CSNK1A1: variants seen among roughly 807,000 people sequenced by gnomAD.
The protein encoded by CSNK1A1 is casein kinase I isoform alpha.
Under a neutral mutation model 46.1 loss-of-function variants are expected in CSNK1A1, and 7 were observed. The ratio of observed to expected loss-of-function variants is 0.15; its 90% CI spans 0.09 to 0.29. The LOEUF (loss-of-function observed/expected upper bound fraction) is 0.29. Ranked by LOEUF, CSNK1A1 falls within the 10% of genes least tolerant of loss-of-function variation. The pLI, the probability that CSNK1A1 is intolerant of heterozygous loss-of-function variation, is 1.00. For missense variants in CSNK1A1, 96 were observed against 417.1 expected, an observed-to-expected ratio of 0.23 and a Z score of 6.71; for synonymous variants, 137 against 141.5, an observed-to-expected ratio of 0.97 and a Z score of 0.23.
At chr5:149,534,906 CAAA>C (rs537826461) in intron 2 of CSNK1A1, among the ~76,000 whole-genome samples, 2 of 72,518 alleles carry the variant, frequency 2.8e-5, no homozygotes, top group Non-Finnish European at 5.8e-5. Context: ...CCTTGTCTCC[CAAA>C]AAAAAAAAAA....
chr5:149,544,897 G>A (rs947028653), intron 2 of CSNK1A1, among the ~76,000 whole-genome samples: 3 of 150,898 alleles, frequency 2.0e-5, no homozygotes, highest in East Asian at 2.0e-4. Flanking sequence ...GCACTTTGGC[G>A]GGCCGAGGTG....
Position 149,550,998 on chromosome 5 carries a change from C to G in CSNK1A1, c.-34G>C. 1.2e-6 allele frequency: 2 copies of G among 1,612,956 alleles called. No individual in the cohort carries two copies. Among genetic ancestry groups the G allele is most frequent in the South Asian group, 2.2e-5 (2 of 91,074 alleles). ...ACGAAGATGGAGGCTGGGGCCAAGCCCCGACACCTCTGGGAAGAGGACGGA... is the reference window on the plus strand; with the variant it reads ...ACGAAGATGGAGGCTGGGGCCAAGCGCCGACACCTCTGGGAAGAGGACGGA... On this transcript the variant is annotated 5_prime_UTR_variant, in exon 1 of 10. Coordinates refer to ENST00000377843, the MANE Select transcript of CSNK1A1 (RefSeq NM_001892.6). The surrounding 1 kb of genome is among the most constrained non-coding windows in gnomAD (Gnocchi z 4.3).
In CSNK1A1 at chr5:149,547,864, T is replaced by G. The variant is rs10463286; in HGVS notation, c.230+2211A>C. On this transcript the variant is annotated intron_variant, in intron 2 of 9. Coordinates refer to ENST00000377843, the MANE Select transcript of CSNK1A1 (RefSeq NM_001892.6). ...TCAGCATTGGAACTTTGTTTTTTTT[T>G]TTGTTGTGTTTTTTTGTGTTTTTTT... 0.024 allele frequency among the ~76,000 whole-genome samples: 3,681 copies of G among 152,138 alleles called. 292 individuals carry two copies. In the East Asian group the frequency reaches 0.32, roughly 13 times the overall value.
chr5:149,511,902 G>T, intron 5 of CSNK1A1, 30 bp from the exon 6 acceptor site: 1 of 1,505,792 alleles, frequency 6.6e-7, no homozygotes, highest in South Asian at 1.2e-5. Flanking sequence ...TTTATAAACT[G>T]GAACTATTAT....
chr5:149,551,055 CGGA>C lies in CSNK1A1; in HGVS notation c.-94_-92del. On this transcript the variant is annotated 5_prime_UTR_variant, in exon 1 of 10. Transcript: ENST00000377843. ...GGGGCTCCTACACTAGGCAAGGCTA[CGGA>C]GGAGGGCGGCAGGAAACGGAACACG... 9 of 1,431,166 alleles carry C rather than the reference CGGA, an allele frequency of 6.3e-6. No individual in the cohort carries two copies. The South Asian group carries it at 1.1e-4, about 17-fold the overall frequency. The allele number at this position is 1,431,166 out of a possible 1,614,324, so 88.7% of individuals were successfully genotyped here. A position where few individuals can be genotyped will look rare whatever the true frequency, so the allele number is the denominator to read the frequency against.
At position 149,542,631 on chromosome 5, in the gene CSNK1A1, TA is replaced by T. The variant is rs1561772421; in HGVS notation, c.230+7443del. On this transcript the variant is annotated intron_variant, in intron 2 of 9. Coordinates refer to ENST00000377843, the MANE Select transcript of CSNK1A1 (RefSeq NM_001892.6). ...ATATATATATATATATATATATATA[TA>T]TATATATGTATATATATATATATAT... is the stretch of plus-strand genomic sequence containing the variant. Among the ~76,000 whole-genome samples, 43 of 12,516 alleles carry T rather than the reference TA, an allele frequency of 3.4e-3. 5 individuals are homozygous for T. Among genetic ancestry groups the T allele is most frequent in the East Asian group, 0.011 (2 of 184 alleles). 8.2% of individuals were successfully genotyped at this position (12,516 alleles called of 152,430 possible).
intron 9 of CSNK1A1, among the ~76,000 whole-genome samples, chr5:149,499,951 TTTTTTTTC>T (rs1381726354): frequency 4.3e-4 from 37 of 85,112 alleles, no homozygotes; most frequent in African/African-American, 8.6e-4. Context: ...GGTTGTGGGG[TTTTTTTTC>T]TTTTTTTCTT....
chr5:149,497,607 A>G (rs2113034730), intron 9 of CSNK1A1: 1 of 985,446 alleles, frequency 1.0e-6, no homozygotes, highest in South Asian at 4.7e-5. Flanking sequence ...ATCTACAGCT[A>G]AAGGCAAAGG....
chr5:149,519,806 T>A (rs1761513003), intron 4 of CSNK1A1, among the ~76,000 whole-genome samples: 1 of 152,190 alleles, frequency 6.6e-6, no homozygotes, highest in Non-Finnish European at 1.5e-5. Flanking sequence ...GACTGAAGAA[T>A]TCTCATTATC....
chr5:149,513,141 G>C lies in CSNK1A1; in HGVS notation c.525C>G (p.Tyr175Ter). The C allele has an allele frequency of 6.2e-7, 1 of 1,614,058 alleles. No individual in the cohort carries two copies. Among genetic ancestry groups the C allele is most frequent in the Non-Finnish European group, 8.5e-7 (1 of 1,179,976 alleles). ...TGCCAGTGAGGTTTTTATCTTCTCTGTATGGTATGTGTTGCCTTGTCCTGT... is the reference window on the plus strand; with the variant it reads ...TGCCAGTGAGGTTTTTATCTTCTCTCTATGGTATGTGTTGCCTTGTCCTGT... ...RDNRTRQHIP[Y>*]REDKNLTGTA... Residue 175 changes from tyrosine to a stop codon, truncating the protein, a stop_gained, in exon 5 of 10, where the codon TAC becomes TAG. Coordinates refer to ENST00000377843, the MANE Select transcript of CSNK1A1 (RefSeq NM_001892.6). LOFTEE classifies it high-confidence loss of function.
chr5:149,512,273 A>G (rs532213418), intron 5 of CSNK1A1, among the ~76,000 whole-genome samples: 63 of 152,070 alleles, frequency 4.1e-4, no homozygotes, highest in Non-Finnish European at 7.2e-4. Context: ...GAATGTATTC[A>G]TGCATACATA....
intron 9 of CSNK1A1, chr5:149,501,083 G>A (rs986273846): frequency 3.6e-5 from 35 of 985,218 alleles, no homozygotes; most frequent in South Asian, 9.4e-5. Flanking sequence ...TCATAGCAAC[G>A]CTGTATTCTT....
intron 9 of CSNK1A1, chr5:149,503,180 C>T (rs1760926667): frequency 1.0e-6 from 1 of 985,308 alleles, no homozygotes; most frequent in Admixed American, 6.1e-5. Context: ...TGTTTTCAAA[C>T]TCCAGAATTC....
At chr5:149,545,784 T>A (rs1580866676) in intron 2 of CSNK1A1, 2 of 584,132 alleles carry the variant, frequency 3.4e-6, no homozygotes, top group East Asian at 7.3e-5. Context: ...GTGGTGTGGT[T>A]CGTGGACTTG....
chr5:149,509,488 C>T (rs1015934784), intron 7 of CSNK1A1, among the ~76,000 whole-genome samples: 1 of 149,980 alleles, frequency 6.7e-6, no homozygotes, highest in Non-Finnish European at 1.5e-5. Context: ...GCAATTGGAG[C>T]CTCCCGGGCT....
chr5:149,547,579 A>G (rs1392171084), intron 2 of CSNK1A1, among the ~76,000 whole-genome samples: 1 of 152,222 alleles, frequency 6.6e-6, no homozygotes, highest in African/African-American at 2.4e-5. Flanking sequence ...AAATGACCTC[A>G]TATCGTATGA....
At position 149,518,232 on chromosome 5, in the gene CSNK1A1, C is replaced by CG. The variant is rs369074287; in HGVS notation, c.456+2057dup. ...CCTTCCCCCCCAAAAAAATATTGTA[C>CG]GGGGGAAAAAAATCTTCAGTAAGGA... On this transcript the variant is annotated intron_variant, in intron 4 of 9. Transcript: ENST00000377843. 5.3e-5 allele frequency among the ~76,000 whole-genome samples: 8 copies of CG among 151,784 alleles called. No individual in the cohort carries two copies. In the East Asian group the frequency reaches 5.8e-4, roughly 11 times the overall value.
chr5:149,537,470 A>G (rs749194825), intron 2 of CSNK1A1, among the ~76,000 whole-genome samples: 3 of 152,144 alleles, frequency 2.0e-5, no homozygotes, highest in Non-Finnish European at 4.4e-5. Context: ...GCACTCAGCA[A>G]AATTCACTAA....
intron 4 of CSNK1A1, among the ~76,000 whole-genome samples, chr5:149,516,351 AAAAC>A (rs1761403472): frequency 6.6e-6 from 1 of 152,150 alleles, no homozygotes; most frequent in African/African-American, 2.4e-5. Context: ...CCCCCCAAAA[AAAAC>A]AAAAAATAAA....
Sources: allele counts gnomAD v4.1 joint callset (sites outside exome capture counted in the v4.1 genomes callset), GRCh38; gene constraint gnomAD v4.1.1; non-coding constraint Gnocchi (gnomAD v3.1); transcripts MANE v1.5; gene names NCBI Gene and HGNC (gene_info 2026-07-23, HGNC 2026-07-21).